Variants in SLC14A2 observed in about 807,000 individuals in gnomAD.
SLC14A2 encodes the protein urea transporter 2.
SLC14A2 carries 91 observed loss-of-function variants against 104.6 expected under a neutral mutation model. The ratio of observed to expected loss-of-function variants is 0.87; its 90% CI spans 0.73 to 1.04. The LOEUF (loss-of-function observed/expected upper bound fraction) is 1.04. Ranked by LOEUF, SLC14A2 falls within the 50% of genes least tolerant of loss-of-function variation. The pLI, the probability that SLC14A2 is intolerant of heterozygous loss-of-function variation, is 0.00. For missense variants in SLC14A2, 1,189 were observed against 1,156.0 expected (o/e 1.03, Z -0.41); for synonymous variants, 476 against 466.4 (o/e 1.02, Z -0.27).
the SLC14A2 span, among the ~76,000 whole-genome samples, chr18:45,203,121 G>A: frequency 3.9e-5 from 6 of 152,188 alleles, no homozygotes; most frequent in Non-Finnish European, 7.3e-5. Flanking sequence ...AATGAGAGTA[G>A]TCCGAGGAGA....
At chr18:45,610,317 G>C (rs1421315314) in intron 2 of SLC14A2, among the ~76,000 whole-genome samples, 2 of 152,210 alleles carry the variant, frequency 1.3e-5, no homozygotes, top group African/African-American at 4.8e-5. Flanking sequence ...AATGTGTGCA[G>C]AAAGAGCATA....
In SLC14A2 at chr18:45,639,752, C is replaced by T; in HGVS notation, c.850C>T (p.Gln284Ter). 6.2e-7 allele frequency: 1 copy of T among 1,613,740 alleles called. No homozygotes were observed. Among genetic ancestry groups the T allele is most frequent in the Non-Finnish European group, 8.5e-7 (1 of 1,179,904 alleles). The part of the protein sequence containing the change: ...WTEMEMPLLL[Q>*]AIPVGVGQVY... ...TATTCTGTTAACTTTGCAGCTGTTA[C>T]AAGCCATCCCTGTTGGGGTCGGCCA... The change falls in exon 7 of 20, where the codon CAA becomes TAA. Residue 284 changes from glutamine to a stop codon, truncating the protein, a stop_gained. Transcript: ENST00000255226. LOFTEE classifies it high-confidence loss of function.
At chr18:45,249,317 CA>C (rs2084398506) in intron 1 of SLC14A2, among the ~76,000 whole-genome samples, 1 of 149,650 alleles carries the variant, frequency 6.7e-6, no homozygotes, top group Admixed American at 6.7e-5. Flanking sequence ...TATGTACATG[CA>C]AAGGGTGGAG....
chr18:45,276,947 A>G lies in SLC14A2; in HGVS notation c.-125+63756A>G, dbSNP rs529672598. Reference sequence around the variant, plus strand: ...AACCAATCTCTCTTTATTGATGTTAATAATAGTGATCCTGGGCCTTTGGCC... The same window carrying G: ...AACCAATCTCTCTTTATTGATGTTAGTAATAGTGATCCTGGGCCTTTGGCC... On this transcript the variant is annotated intron_variant, in intron 1 of 20. Transcript: ENST00000586448. Among the ~76,000 whole-genome samples, 12 of 152,356 alleles carry G rather than the reference A, an allele frequency of 7.9e-5. No individual in the cohort carries two copies. The South Asian group carries it at 2.1e-3, about 26-fold the overall frequency.
intron 1 of SLC14A2, among the ~76,000 whole-genome samples, chr18:45,393,536 A>C (rs538203592): frequency 6.6e-6 from 1 of 152,330 alleles, no homozygotes; most frequent in East Asian, 1.9e-4. Context: ...CATCATGGAA[A>C]CCCAAAGCCT....
chr18:45,623,147 C>T (rs1297594004), intron 1 of SLC14A2, among the ~76,000 whole-genome samples: 1 of 151,960 alleles, frequency 6.6e-6, no homozygotes, highest in South Asian at 2.1e-4. Context: ...TCAGAGGGGT[C>T]ACCTGAGCAG....
intron 10 of SLC14A2, among the ~76,000 whole-genome samples, chr18:45,661,212 A>T (rs1451881168): frequency 6.6e-6 from 1 of 152,244 alleles, no homozygotes; most frequent in Non-Finnish European, 1.5e-5. Flanking sequence ...TCCATCAGCA[A>T]GCCCAGCACT....
At chr18:45,596,269 G>A (rs532888980) in intron 2 of SLC14A2, among the ~76,000 whole-genome samples, 5 of 152,270 alleles carry the variant, frequency 3.3e-5, no homozygotes, top group South Asian at 2.1e-4. Flanking sequence ...AAATTGGCAC[G>A]GCTACCTAGA....
intron 1 of SLC14A2, among the ~76,000 whole-genome samples, chr18:45,272,602 G>T (rs1047056979): frequency 6.6e-6 from 1 of 151,984 alleles, no homozygotes; most frequent in African/African-American, 2.4e-5. Context: ...ATTACCAGAG[G>T]CTGGGAAGGG....
chr18:45,534,413 G>C (rs1262072499), intron 2 of SLC14A2, among the ~76,000 whole-genome samples: 1 of 152,136 alleles, frequency 6.6e-6, no homozygotes, highest in Non-Finnish European at 1.5e-5. Flanking sequence ...AGCAAAGCTG[G>C]TTAGCAGCTG....
intron 1 of SLC14A2, among the ~76,000 whole-genome samples, chr18:45,273,918 C>T (rs1233307170): frequency 2.6e-5 from 4 of 152,238 alleles, no homozygotes; most frequent in South Asian, 4.1e-4. Flanking sequence ...ACTAAGATTC[C>T]ATTATGCTGT....
At chr18:45,556,334 G>T (rs1484399109) in intron 2 of SLC14A2, among the ~76,000 whole-genome samples, 1 of 152,072 alleles carries the variant, frequency 6.6e-6, no homozygotes, top group Non-Finnish European at 1.5e-5. Context: ...CAGGTCTATG[G>T]TGTGGCCTCC....
At chr18:45,355,392 G>A (rs1049388776) in intron 1 of SLC14A2, among the ~76,000 whole-genome samples, 2 of 151,758 alleles carry the variant, frequency 1.3e-5, no homozygotes, top group African/African-American at 2.4e-5. Flanking sequence ...TGACCAATAC[G>A]GTGAAACCCT....
intron 2 of SLC14A2, among the ~76,000 whole-genome samples, chr18:45,507,875 T>A (rs2043308884): frequency 6.6e-6 from 1 of 152,074 alleles, no homozygotes; most frequent in South Asian, 2.1e-4. Flanking sequence ...ACAACAGGAA[T>A]AAATAGGAAC....
At chr18:45,235,980 TA>T (rs1369695617) in intron 1 of SLC14A2, among the ~76,000 whole-genome samples, 3 of 72,664 alleles carry the variant, frequency 4.1e-5, no homozygotes, top group Admixed American at 1.5e-4. Flanking sequence ...TATATGTGTG[TA>T]TATATGTGTA....
At chr18:45,326,910 A>G (rs1357175752) in intron 1 of SLC14A2, among the ~76,000 whole-genome samples, 1 of 152,222 alleles carries the variant, frequency 6.6e-6, no homozygotes, top group African/African-American at 2.4e-5. Context: ...GCAGGAACAT[A>G]GAAAGTCAGT....
At chr18:45,265,569 G>T (rs941212949) in intron 1 of SLC14A2, among the ~76,000 whole-genome samples, 1 of 152,200 alleles carries the variant, frequency 6.6e-6, no homozygotes, top group African/African-American at 2.4e-5. Context: ...CACTTGGCTT[G>T]AGAGAGCACC....
At position 45,587,380 on chromosome 18, in the gene SLC14A2, AC is replaced by A. The variant is rs2044582185; in HGVS notation, c.-34-37249del. Among the ~76,000 whole-genome samples, 3 of 152,230 alleles carry A rather than the reference AC, an allele frequency of 2.0e-5. No homozygotes were observed. In the South Asian group the frequency reaches 6.2e-4, roughly 32 times the overall value. ...CAGTTGCTTTCACCAATACATCAAC[AC>A]CAGGGTTGAGAACCCCGTTCCAGGA... On this transcript the variant is annotated intron_variant, in intron 2 of 20. Coordinates refer to the SLC14A2 transcript ENST00000586448.
At chr18:45,395,884 C>T (rs1036953723) in intron 1 of SLC14A2, among the ~76,000 whole-genome samples, 1 of 152,162 alleles carries the variant, frequency 6.6e-6, no homozygotes, top group African/African-American at 2.4e-5. Context: ...CATATAAACA[C>T]TGGTTTGTTC....
Sources: gnomAD v4.1 joint callset for allele counts (sites outside exome capture counted in the v4.1 genomes callset) on GRCh38, gnomAD v4.1.1 for gene constraint, MANE v1.5 for transcripts, NCBI Gene and HGNC (gene_info 2026-07-23, HGNC 2026-07-21) for gene names.